MARCHF1: variants seen among roughly 807,000 people sequenced by gnomAD.
The protein encoded by MARCHF1 is E3 ubiquitin-protein ligase MARCHF1.
A neutral mutation model predicts 54.2 loss-of-function variants in MARCHF1; 40 were observed. That is an observed-to-expected ratio of 0.74 (90% CI 0.57 to 0.96). The LOEUF is 0.96. Ranked by LOEUF, MARCHF1 falls within the 40% of genes least tolerant of loss-of-function variation. The probability of loss-of-function intolerance (pLI) is 0.00; values close to 1 mark genes in which losing one functional copy is unlikely to be tolerated. For synonymous variants in MARCHF1, 236 were observed against 236.3 expected (o/e 1.00, Z 0.01); for missense variants, 586 against 656.5 (o/e 0.89, Z 1.17).
intron 3 of MARCHF1, among the ~76,000 whole-genome samples, chr4:163,917,978 T>C (rs1751346819): frequency 6.6e-6 from 1 of 152,208 alleles, no homozygotes; most frequent in Admixed American, 6.5e-5. Flanking sequence ...TGTGCCTATG[T>C]CCTAAATGGT....
chr4:164,300,275 A>G (rs1024797146), intron 1 of MARCHF1, among the ~76,000 whole-genome samples: 10 of 152,066 alleles, frequency 6.6e-5, no homozygotes, highest in African/African-American at 2.4e-5. Context: ...CAGACAATAA[A>G]TCATACACGT....
intron 3 of MARCHF1, among the ~76,000 whole-genome samples, chr4:163,881,681 A>G (rs1382158569): frequency 9.9e-6 from 1 of 101,202 alleles, no homozygotes; most frequent in Non-Finnish European, 2.5e-5. Context: ...GCTACAGAAA[A>G]GAAAAGAAAT....
chr4:163,714,717 C>T (rs988712637), intron 4 of MARCHF1, among the ~76,000 whole-genome samples: 2 of 152,144 alleles, frequency 1.3e-5, no homozygotes, highest in Non-Finnish European at 2.9e-5. Flanking sequence ...CTTGCTCTGT[C>T]ACCCAGGCTG....
Position 163,749,798 on chromosome 4 carries a change from T to G in MARCHF1, c.112-48935A>C, listed in dbSNP as rs567268519. Among the ~76,000 whole-genome samples, 46 of 152,034 alleles carry G rather than the reference T, an allele frequency of 3.0e-4. 1 individual carries two copies. Among genetic ancestry groups the G allele is most frequent in the African/African-American group, 9.6e-4 (40 of 41,472 alleles). On this transcript the variant is annotated intron_variant, in intron 4 of 9. Coordinates refer to ENST00000514618, the MANE Select transcript of MARCHF1 (RefSeq NM_001394959.1). ...CAAATATTAGGCCAGGTGTGGTGAC[T>G]CACACCTGTGATCCCCACTTCGGGA...
At chr4:164,139,016 T>C (rs1283459292) in intron 1 of MARCHF1, among the ~76,000 whole-genome samples, 3 of 152,240 alleles carry the variant, frequency 2.0e-5, no homozygotes, top group African/African-American at 7.2e-5. Flanking sequence ...AATTGAATTC[T>C]GCATATGTAA....
At chr4:164,069,596 C>T (rs775961872) in intron 2 of MARCHF1, among the ~76,000 whole-genome samples, 23 of 152,146 alleles carry the variant, frequency 1.5e-4, no homozygotes, top group South Asian at 1.0e-3. Context: ...AGTGAGACCA[C>T]GAACCCACCA....
At chr4:164,319,585 T>C (rs77740577) in intron 1 of MARCHF1, among the ~76,000 whole-genome samples, 2,796 of 152,330 alleles carry the variant, frequency 0.018, 77 homozygotes, top group East Asian at 0.12. Context: ...AAAATTATCA[T>C]TGATAAGGAA....
chr4:163,936,157 A>T (rs1010231522), intron 3 of MARCHF1, among the ~76,000 whole-genome samples: 6 of 152,184 alleles, frequency 3.9e-5, no homozygotes, highest in Non-Finnish European at 8.8e-5. Context: ...TTATGTAGGC[A>T]TGATTCCGGG....
At chr4:163,596,537 CAAAAAAAAA>C (rs142539749) in intron 7 of MARCHF1, among the ~76,000 whole-genome samples, 1 of 73,776 alleles carries the variant, frequency 1.4e-5, no homozygotes, top group Admixed American at 1.6e-4. Flanking sequence ...GAGGCTGTCT[CAAAAAAAAA>C]AAAAAAAAAA....
chr4:164,006,263 A>G (rs914776608), intron 2 of MARCHF1, among the ~76,000 whole-genome samples: 23 of 152,318 alleles, frequency 1.5e-4, no homozygotes, highest in Middle Eastern at 3.4e-3. Context: ...TTTGACAAAA[A>G]TTGAAATAAT....
chr4:163,801,586 A>T (rs1341757106), intron 4 of MARCHF1, among the ~76,000 whole-genome samples: 1 of 152,114 alleles, frequency 6.6e-6, no homozygotes, highest in Non-Finnish European at 1.5e-5. Context: ...AGTATAAAGC[A>T]CAATGAAATT....
At chr4:163,659,996 G>A (rs185310219) in intron 5 of MARCHF1, among the ~76,000 whole-genome samples, 27 of 152,170 alleles carry the variant, frequency 1.8e-4, no homozygotes, top group East Asian at 1.4e-3. Flanking sequence ...ACAGTGAGGC[G>A]TTTCCTCAAG....
At chr4:164,243,553 C>T (rs866064835) in intron 1 of MARCHF1, among the ~76,000 whole-genome samples, 48 of 150,136 alleles carry the variant, frequency 3.2e-4, no homozygotes, top group Middle Eastern at 3.4e-3. Context: ...CATCAACTAA[C>T]GAGCAAAATA....
chr4:163,643,313 G>C (rs1286377965), intron 5 of MARCHF1, among the ~76,000 whole-genome samples: 1 of 89,526 alleles, frequency 1.1e-5, no homozygotes, highest in South Asian at 3.5e-4. Flanking sequence ...GAGTGACAGA[G>C]TGAGACCCTG....
At chr4:164,265,390 GT>G (rs1733584157) in intron 1 of MARCHF1, among the ~76,000 whole-genome samples, 1 of 151,918 alleles carries the variant, frequency 6.6e-6, no homozygotes, top group Non-Finnish European at 1.5e-5. Flanking sequence ...TAGATTCTTT[GT>G]TTAAGAAATT....
At chr4:164,230,950 T>A (rs2111179115) in intron 1 of MARCHF1, among the ~76,000 whole-genome samples, 1 of 152,296 alleles carries the variant, frequency 6.6e-6, no homozygotes, top group East Asian at 1.9e-4. Context: ...AAAGCATTGC[T>A]GCCTAGAAAT....
rs192055671 is a variant in MARCHF1, at chr4:164,133,550, G to A, written c.-322-21888C>T. Reference sequence around the variant, plus strand: ...AGCACAAATATAAACACAAATCTACGGTGCAACAGAGAATGAAATCTTGCC... The same window carrying A: ...AGCACAAATATAAACACAAATCTACAGTGCAACAGAGAATGAAATCTTGCC... On this transcript the variant is annotated intron_variant, in intron 1 of 9. Coordinates refer to ENST00000514618, the MANE Select transcript of MARCHF1 (RefSeq NM_001394959.1). 2.1e-3 allele frequency among the ~76,000 whole-genome samples: 324 copies of A among 151,990 alleles called. 3 individuals are homozygous for A. Among genetic ancestry groups the A allele is most frequent in the Admixed American group, 4.3e-3 (66 of 15,246 alleles).
chr4:163,526,081 T>A lies in MARCHF1; in HGVS notation c.*2667A>T, dbSNP rs1738094115. On this transcript the variant is annotated 3_prime_UTR_variant, in exon 10 of 10. Coordinates refer to ENST00000514618, the MANE Select transcript of MARCHF1 (RefSeq NM_001394959.1). ...CTGCCAGGAAGCTATATTATATTAT[T>A]TTCTCATTTCAACAATGTCCAAGCC... The A allele has an allele frequency of 6.6e-6, 1 of 152,132 alleles. No individual in the cohort carries two copies. 9.4% of individuals were successfully genotyped at this position (152,132 alleles called of 1,614,324 possible).
At chr4:164,177,009 T>TACATAC (rs760317145) in intron 1 of MARCHF1, among the ~76,000 whole-genome samples, 12 of 55,570 alleles carry the variant, frequency 2.2e-4, no homozygotes, top group Admixed American at 4.1e-4. Flanking sequence ...TATATATATA[T>TACATAC]ACAAATGATA....
Sources: gnomAD v4.1 joint callset for allele counts (sites outside exome capture counted in the v4.1 genomes callset) on GRCh38, gnomAD v4.1.1 for gene constraint, MANE v1.5 for transcripts, NCBI Gene and HGNC (gene_info 2026-07-23, HGNC 2026-07-21) for gene names.